BMPER: variants seen among roughly 807,000 people sequenced by gnomAD.
BMPER encodes BMP-binding endothelial regulator protein.
In BMPER, 45 loss-of-function variants were observed where a neutral mutation model predicts 87.3. The observed-to-expected ratio is 0.52, with a 90% confidence interval of 0.41 to 0.66. BMPER has a LOEUF of 0.66. BMPER is among the 30% of genes least tolerant of loss of function. BMPER has a pLI of 0.00. For synonymous variants in BMPER, 326 were observed against 316.2 expected, an observed-to-expected ratio of 1.03 and a Z score of -0.33; for missense variants, 784 against 867.5, an observed-to-expected ratio of 0.90 and a Z score of 1.21.
chr7:33,998,447 T>C (rs1786479153), intron 6 of BMPER, among the ~76,000 whole-genome samples: 1 of 152,210 alleles, frequency 6.6e-6, no homozygotes, highest in African/African-American at 2.4e-5. Flanking sequence ...TGTTGGAATG[T>C]CAGAGCAGAC....
chr7:34,014,399 C>G (rs1786966231), intron 6 of BMPER, among the ~76,000 whole-genome samples: 1 of 151,896 alleles, frequency 6.6e-6, no homozygotes, highest in African/African-American at 2.4e-5. Context: ...AATACTAGAG[C>G]AAAGAGAGGA....
chr7:34,096,985 C>T (rs899380280), intron 13 of BMPER, among the ~76,000 whole-genome samples: 1 of 152,222 alleles, frequency 6.6e-6, no homozygotes, highest in African/African-American at 2.4e-5. Context: ...AAGGAGTCCT[C>T]TAGCTCACAG....
chr7:34,068,280 G>A (rs1788646111), intron 11 of BMPER, among the ~76,000 whole-genome samples: 1 of 152,186 alleles, frequency 6.6e-6, no homozygotes, highest in East Asian at 1.9e-4. Context: ...CAGGTAGCTG[G>A]CCCGAAAGCT....
chr7:34,028,601 G>GTTTTTTTTTTTTTTTTTTTTTTT lies in BMPER; in HGVS notation c.577-17695_577-17673dup. 6.4e-4 allele frequency among the ~76,000 whole-genome samples: 23 copies of GTTTTTTTTTTTTTTTTTTTTTTT among 36,062 alleles called. 1 individual carries two copies. Among genetic ancestry groups the GTTTTTTTTTTTTTTTTTTTTTTT allele is most frequent in the East Asian group, 1.2e-3 (1 of 820 alleles). 23.7% of individuals were successfully genotyped at this position (36,062 alleles called of 152,430 possible). A position where few individuals can be genotyped will look rare whatever the true frequency, so the allele number is the denominator to read the frequency against. On this transcript the variant is annotated intron_variant, in intron 6 of 14. Coordinates refer to ENST00000649409, the MANE Select transcript of BMPER (RefSeq NM_001365308.1). ...ACATACAGTCCAAATCATTTTTTCT[G>GTTTTTTTTTTTTTTTTTTTTTTT]TTTTTTTTTTTTTTTTTTTTTTTTT...
intron 13 of BMPER, among the ~76,000 whole-genome samples, chr7:34,116,848 G>T (rs1236747638): frequency 6.6e-6 from 1 of 152,038 alleles, no homozygotes; most frequent in Admixed American, 6.6e-5. Flanking sequence ...AAATGAGCCG[G>T]GTGTGGTGGT....
intron 6 of BMPER, among the ~76,000 whole-genome samples, chr7:34,015,167 A>T (rs1333437055): frequency 1.3e-5 from 2 of 152,008 alleles, no homozygotes; most frequent in African/African-American, 4.8e-5. Context: ...TGTTACACAG[A>T]AGTTAAGAAA....
chr7:33,925,976 C>A (rs1030276660), intron 2 of BMPER, among the ~76,000 whole-genome samples: 2 of 152,212 alleles, frequency 1.3e-5, no homozygotes, highest in Non-Finnish European at 2.9e-5. Flanking sequence ...TCAAAACTGA[C>A]GATTCCTGCC....
intron 11 of BMPER, among the ~76,000 whole-genome samples, chr7:34,074,932 T>C (rs1353886690): frequency 2.0e-5 from 3 of 152,192 alleles, no homozygotes; most frequent in African/African-American, 4.8e-5. Context: ...TGATGCTTTT[T>C]CCCCCTTCCT....
chr7:34,085,714 T>G (rs745550452), intron 12 of BMPER, 42 bp from the exon 13 acceptor site: 1 of 1,534,570 alleles, frequency 6.5e-7, no homozygotes, highest in Non-Finnish European at 9.0e-7. Flanking sequence ...TATTAGTGCG[T>G]TAATGAGTGA....
At chr7:34,052,901 C>T (rs893215032) in intron 8 of BMPER, among the ~76,000 whole-genome samples, 8 of 152,110 alleles carry the variant, frequency 5.3e-5, no homozygotes, top group East Asian at 1.9e-4. Flanking sequence ...AATACTTTAC[C>T]GAAGCTTTTT....
At chr7:33,990,973 A>G (rs1032599856) in intron 6 of BMPER, among the ~76,000 whole-genome samples, 1 of 132,074 alleles carries the variant, frequency 7.6e-6, no homozygotes, top group African/African-American at 2.9e-5. Context: ...AGCCCACTTG[A>G]TCATGGTGGA....
In BMPER at chr7:34,046,415, T is replaced by A. The variant is rs1312491532; in HGVS notation, c.676+10T>A. 3 of 1,606,420 alleles carry A rather than the reference T, an allele frequency of 1.9e-6. No homozygotes were observed. Among genetic ancestry groups the A allele is most frequent in the Non-Finnish European group, 8.5e-7 (1 of 1,172,996 alleles). ...TGCCCCAAATGTTTGGGTGAGTTAC[T>A]ATTTTCAGGTCAAAGAACAATGTAA... On this transcript the variant is annotated intron_variant, in intron 7 of 14. Transcript: ENST00000649409.
chr7:34,097,999 T>A (rs761887735), intron 13 of BMPER, among the ~76,000 whole-genome samples: 26 of 152,210 alleles, frequency 1.7e-4, no homozygotes, highest in Non-Finnish European at 3.1e-4. Context: ...TACCCTGATT[T>A]TTTTTTCGAA....
intron 13 of BMPER, among the ~76,000 whole-genome samples, chr7:34,089,901 G>T (rs1366928945): frequency 3.3e-5 from 5 of 152,118 alleles, no homozygotes. Context: ...GTAAATGAAT[G>T]AGAAATTACT....
intron 3 of BMPER, among the ~76,000 whole-genome samples, chr7:33,944,199 T>C (rs989053660): frequency 2.0e-5 from 3 of 152,170 alleles, no homozygotes; most frequent in African/African-American, 7.2e-5. Context: ...CAGGTCTCGC[T>C]CTGTCGCCCA....
intron 13 of BMPER, among the ~76,000 whole-genome samples, chr7:34,142,029 T>A (rs139546816): frequency 2.0e-5 from 3 of 152,342 alleles, no homozygotes; most frequent in African/African-American, 7.2e-5. Flanking sequence ...TTCAAGATCG[T>A]AAGTGCAGCT....
intron 3 of BMPER, among the ~76,000 whole-genome samples, chr7:33,959,208 C>G (rs944424016): frequency 6.6e-6 from 1 of 152,074 alleles, no homozygotes; most frequent in African/African-American, 2.4e-5. Flanking sequence ...AAAATTAAGT[C>G]CTATGTGAAA....
At chr7:34,143,836 A>G (rs1017807012) in intron 14 of BMPER, among the ~76,000 whole-genome samples, 1 of 152,152 alleles carries the variant, frequency 6.6e-6, no homozygotes, top group African/African-American at 2.4e-5. Flanking sequence ...AGGCAAGTAA[A>G]TTAGCTTATT....
intron 5 of BMPER, 107 bp downstream of exon 5, chr7:33,970,526 T>A: frequency 8.7e-7 from 1 of 1,153,852 alleles, no homozygotes; most frequent in Non-Finnish European, 1.3e-6. Flanking sequence ...TACATCTGTG[T>A]ACCTAATGGG....
Sources: allele counts gnomAD v4.1 joint callset (sites outside exome capture counted in the v4.1 genomes callset), GRCh38; gene constraint gnomAD v4.1.1; transcripts MANE v1.5; gene names NCBI Gene and HGNC (gene_info 2026-07-23, HGNC 2026-07-21).